EPDR1: variants seen among roughly 807,000 people sequenced by gnomAD.
EPDR1 encodes mammalian ependymin-related protein 1.
Under a neutral mutation model 23.7 loss-of-function variants are expected in EPDR1, and 27 were observed. The observed-to-expected ratio is 1.14, with a 90% CI of 0.84 to 1.57. The LOEUF (loss-of-function observed/expected upper bound fraction) is 1.57, where lower values mean the gene tolerates loss of function less well. EPDR1 is among the 40% of genes most tolerant of loss of function. The probability of loss-of-function intolerance (pLI) is 0.00; values close to 1 mark genes in which losing one functional copy is unlikely to be tolerated. For synonymous variants in EPDR1, 137 were observed against 118.2 expected (o/e 1.16, Z -1.03); for missense variants, 349 against 290.4 (o/e 1.20, Z -1.47).
At position 37,920,722 on chromosome 7, in the gene EPDR1, T is replaced by A. The variant is rs759405824; in HGVS notation, c.-218T>A. 2 of 1,607,346 alleles carry A rather than the reference T, an allele frequency of 1.2e-6. No homozygotes were observed. The highest frequency in any genetic ancestry group is 1.7e-6 in the Non-Finnish European group (2 of 1,176,264). On this transcript the variant is annotated 5_prime_UTR_variant, in exon 1 of 3. Coordinates refer to ENST00000199448, the MANE Select transcript of EPDR1 (RefSeq NM_017549.5). ...CCAGGCAGAAATAGCTCCCGCGCGA[T>A]TCACTGGAGCCTTCCCCGGGCCCTG... is the stretch of plus-strand genomic sequence containing the variant.
At chr7:37,938,429 A>C (rs1435418577) in intron 1 of EPDR1, among the ~76,000 whole-genome samples, 9 of 152,202 alleles carry the variant, frequency 5.9e-5, no homozygotes. Context: ...GAGCAGAAAC[A>C]TTGATATGGT....
intron 1 of EPDR1, among the ~76,000 whole-genome samples, chr7:37,940,018 T>A (rs1004431676): frequency 6.6e-6 from 1 of 152,160 alleles, no homozygotes; most frequent in African/African-American, 2.4e-5. Flanking sequence ...ATCAAAGGAA[T>A]AGAAACAACT....
intron 1 of EPDR1, among the ~76,000 whole-genome samples, chr7:37,935,631 C>A (rs531634146): frequency 1.3e-5 from 2 of 152,030 alleles, no homozygotes; most frequent in Admixed American, 1.3e-4. Context: ...TAACCTTTTA[C>A]GTTGTCTGTA....
chr7:37,945,247 C>T (rs1234382848), intron 1 of EPDR1, among the ~76,000 whole-genome samples: 3 of 152,166 alleles, frequency 2.0e-5, no homozygotes, highest in Non-Finnish European at 2.9e-5. Context: ...AACAGTTTTA[C>T]GTTGACCCTG....
chr7:37,949,049 G>A lies in EPDR1; in HGVS notation c.478+1G>A. The A allele has an allele frequency of 6.2e-7, 1 of 1,613,900 alleles. No individual in the cohort carries two copies. Among genetic ancestry groups the A allele is most frequent in the Non-Finnish European group, 8.5e-7 (1 of 1,179,782 alleles). On this transcript the variant is annotated splice_donor_variant, in intron 2 of 2. Transcript: ENST00000199448. LOFTEE classifies it high-confidence loss of function. Reference sequence around the variant, plus strand: ...TCGGACAGAAAGTCAGCTAGATCCTGTAAGGGTTCAAAGAATCTAAGCATT... The same window carrying A: ...TCGGACAGAAAGTCAGCTAGATCCTATAAGGGTTCAAAGAATCTAAGCATT...
chr7:37,930,937 T>C (rs1044288868), intron 1 of EPDR1, among the ~76,000 whole-genome samples: 1 of 152,238 alleles, frequency 6.6e-6, no homozygotes, highest in Non-Finnish European at 1.5e-5. Context: ...CAAGGTCTTC[T>C]GTTTTAGAGA....
intron 1 of EPDR1, among the ~76,000 whole-genome samples, chr7:37,938,780 T>G (rs1786109930): frequency 6.6e-6 from 1 of 152,216 alleles, no homozygotes; most frequent in African/African-American, 2.4e-5. Flanking sequence ...TTGAAGGGTC[T>G]GCTCTTCTCT....
chr7:37,920,735 TCCCCGGG>T lies in EPDR1; in HGVS notation c.-201_-195del. On this transcript the variant is annotated 5_prime_UTR_variant, in exon 1 of 3. Coordinates refer to ENST00000199448, the MANE Select transcript of EPDR1 (RefSeq NM_017549.5). ...GCTCCCGCGCGATTCACTGGAGCCT[TCCCCGGG>T]CCCTGGTCCCGGCTACCGGGACTCG... is the stretch of plus-strand genomic sequence containing the variant. 1.2e-6 allele frequency: 2 copies of T among 1,608,830 alleles called. No individual in the cohort carries two copies. Among genetic ancestry groups the T allele is most frequent in the Non-Finnish European group, 1.7e-6 (2 of 1,177,242 alleles).
chr7:37,948,281 G>T (rs776653757), intron 1 of EPDR1, among the ~76,000 whole-genome samples: 7 of 152,012 alleles, frequency 4.6e-5, no homozygotes, highest in African/African-American at 1.4e-4. Flanking sequence ...TAAGCACAGG[G>T]TCTGGCATAT....
At chr7:37,922,666 A>T (rs59771742) in intron 1 of EPDR1, among the ~76,000 whole-genome samples, 1 of 149,478 alleles carries the variant, frequency 6.7e-6, no homozygotes, top group Non-Finnish European at 1.5e-5. Context: ...TGAGGAAGCT[A>T]GGGGGGGGTT....
At chr7:37,944,381 C>T (rs552022759) in intron 1 of EPDR1, among the ~76,000 whole-genome samples, 2 of 152,320 alleles carry the variant, frequency 1.3e-5, no homozygotes, top group Non-Finnish European at 2.9e-5. Context: ...CTCATTGTCT[C>T]CTCTCTGGTC....
intron 1 of EPDR1, among the ~76,000 whole-genome samples, chr7:37,929,291 A>C (rs1785882775): frequency 1.3e-5 from 2 of 152,142 alleles, no homozygotes; most frequent in African/African-American, 4.8e-5. Context: ...CCTCATGCAC[A>C]ATAAGGCTCC....
rs760808437 is a variant in EPDR1, at chr7:37,921,138, C to T, written c.199C>T (p.Leu67Phe). ...QSSGRNSRALLSYDGLNQRVR... is the reference protein window; with the variant it reads ...QSSGRNSRALFSYDGLNQRVR... ...TAGCGGGCGCAACAGCCGCGCCCTG[C>T]TCTCCTACGACGGGCTCAACCAGCG... is the stretch of plus-strand genomic sequence containing the variant. Residue 67 changes from leucine to phenylalanine, a missense_variant, in exon 1 of 3, where the codon CTC (leucine) becomes TTC (phenylalanine). Physicochemically the swap from Leu to Phe is conservative, Grantham distance 22. Transcript: ENST00000199448. The T allele has an allele frequency of 1.9e-6, 3 of 1,596,516 alleles. No individual in the cohort carries two copies. Among genetic ancestry groups the T allele is most frequent in the Non-Finnish European group, 2.5e-6 (3 of 1,178,894 alleles).
chr7:37,929,376 C>A (rs560679192), intron 1 of EPDR1, among the ~76,000 whole-genome samples: 20 of 152,202 alleles, frequency 1.3e-4, no homozygotes, highest in Non-Finnish European at 2.5e-4. Context: ...TTTCAACATA[C>A]TATGTGGGAC....
At chr7:37,934,465 T>G (rs1786010567) in intron 1 of EPDR1, among the ~76,000 whole-genome samples, 1 of 151,920 alleles carries the variant, frequency 6.6e-6, no homozygotes, top group African/African-American at 2.4e-5. Context: ...CTTTTTCCTT[T>G]GAGAAAAAGG....
Position 37,922,220 on chromosome 7 carries a change from C to T in EPDR1, c.269+1012C>T, listed in dbSNP as rs532131032. On this transcript the variant is annotated intron_variant, in intron 1 of 2. Coordinates refer to ENST00000199448, the MANE Select transcript of EPDR1 (RefSeq NM_017549.5). Reference sequence around the variant, plus strand: ...TGTAAGATCTATAGCAAAAGGGCACCATTAGTTTATAGAACAAAACCAAAC... The same window carrying T: ...TGTAAGATCTATAGCAAAAGGGCACTATTAGTTTATAGAACAAAACCAAAC... 1.4e-4 allele frequency among the ~76,000 whole-genome samples: 21 copies of T among 152,234 alleles called. No individual in the cohort carries two copies. In the South Asian group the frequency reaches 4.4e-3, roughly 32 times the overall value.
rs185762400 is a variant in EPDR1, at chr7:37,924,822, C to G, written c.269+3614C>G. ...AGAAACTTTTTCAGGTATTAACAGTCTGGCCAAGCAACCAGATGTTATTTG... is the reference window on the plus strand; with the variant it reads ...AGAAACTTTTTCAGGTATTAACAGTGTGGCCAAGCAACCAGATGTTATTTG... On this transcript the variant is annotated intron_variant, in intron 1 of 2. Coordinates refer to ENST00000199448, the MANE Select transcript of EPDR1 (RefSeq NM_017549.5). Among the ~76,000 whole-genome samples the G allele has an allele frequency of 4.4e-3, 665 of 152,288 alleles. 2 individuals are homozygous for G. The highest frequency in any genetic ancestry group is 6.8e-3 in the Non-Finnish European group (462 of 68,018).
intron 1 of EPDR1, among the ~76,000 whole-genome samples, chr7:37,928,968 G>GA (rs1785875078): frequency 6.6e-6 from 1 of 152,086 alleles, no homozygotes; most frequent in Non-Finnish European, 1.5e-5. Context: ...GGGTTCTCTT[G>GA]AAAATACGTC....
rs553109471 is a variant in EPDR1, at chr7:37,933,470, A to G, written c.269+12262A>G. 3.9e-5 allele frequency among the ~76,000 whole-genome samples: 6 copies of G among 152,360 alleles called. No individual in the cohort carries two copies. The East Asian group carries it at 1.2e-3, about 29-fold the overall frequency. On this transcript the variant is annotated intron_variant, in intron 1 of 2. Transcript: ENST00000199448. ...AGTCTGGTTGATCCCGTACTTAACTACGAAGTTATGCTGTGAGCCTCATAT... is the reference window on the plus strand; with the variant it reads ...AGTCTGGTTGATCCCGTACTTAACTGCGAAGTTATGCTGTGAGCCTCATAT...
Sources: gnomAD v4.1 joint callset for allele counts (sites outside exome capture counted in the v4.1 genomes callset) on GRCh38, gnomAD v4.1.1 for gene constraint, MANE v1.5 for transcripts, NCBI Gene and HGNC (gene_info 2026-07-23, HGNC 2026-07-21) for gene names.